Variants in CDH4 observed in about 807,000 individuals in gnomAD.
The protein encoded by CDH4 is cadherin 4, also known as cadherin-4.
A neutral mutation model predicts 86.0 loss-of-function variants in CDH4; 33 were observed. The observed-to-expected ratio is 0.38, with a 90% CI of 0.29 to 0.51. The LOEUF (loss-of-function observed/expected upper bound fraction) is 0.51. Among genes scored for constraint, CDH4 ranks in the 20% least tolerant of loss-of-function variants. CDH4 has a pLI of 0.86. For missense variants in CDH4, 1,114 were observed against 1,307.4 expected (o/e 0.85, Z 2.28); for synonymous variants, 555 against 549.4 (o/e 1.01, Z -0.14).
intron 2 of CDH4, among the ~76,000 whole-genome samples, chr20:61,299,499 T>A (rs932795628): frequency 2.6e-5 from 4 of 152,226 alleles, no homozygotes; most frequent in African/African-American, 9.6e-5. Flanking sequence ...AAAGCAAATA[T>A]GCTGGAAGAA....
intron 2 of CDH4, among the ~76,000 whole-genome samples, chr20:61,266,952 T>C (rs1368178676): frequency 6.6e-6 from 1 of 152,130 alleles, no homozygotes; most frequent in African/African-American, 2.4e-5. Flanking sequence ...CAAGGACAAC[T>C]GTCTTGACAA....
chr20:61,839,832 G>T (rs1260087521), intron 4 of CDH4, among the ~76,000 whole-genome samples: 1 of 151,562 alleles, frequency 6.6e-6, no homozygotes, highest in African/African-American at 2.4e-5. Flanking sequence ...GTGTGTCTGT[G>T]TGTAGGTATG....
rs190371727 is a variant in CDH4, at chr20:61,332,495, C to A, written c.169+77558C>A. ...CTTAGGTCTCCTTCTGGTTTCTGAT[C>A]TACGGTAGGGGGATTCTTGGTGCAT... On this transcript the variant is annotated intron_variant, in intron 2 of 15. Transcript: ENST00000614565. 3.1e-3 allele frequency among the ~76,000 whole-genome samples: 466 copies of A among 152,362 alleles called. 2 individuals are homozygous for A. The highest frequency in any genetic ancestry group is 0.01 in the African/African-American group (431 of 41,590).
At chr20:61,916,643 A>AT (rs2054906152) in intron 9 of CDH4, among the ~76,000 whole-genome samples, 1 of 152,186 alleles carries the variant, frequency 6.6e-6, no homozygotes, top group Non-Finnish European at 1.5e-5. Context: ...CTTTAATTCC[A>AT]TGAAGGGTCC....
chr20:61,280,073 G>A (rs2084250758), intron 2 of CDH4, among the ~76,000 whole-genome samples: 1 of 152,148 alleles, frequency 6.6e-6, no homozygotes, highest in Admixed American at 6.5e-5. Context: ...GGGCCTCCCA[G>A]GTGGGACTGG....
At chr20:61,846,696 C>A (rs1434179587) in intron 5 of CDH4, among the ~76,000 whole-genome samples, 1 of 152,224 alleles carries the variant, frequency 6.6e-6, no homozygotes, top group African/African-American at 2.4e-5. Context: ...CTTGCCACAT[C>A]TAGATGTGGG....
intron 2 of CDH4, among the ~76,000 whole-genome samples, chr20:61,276,013 A>G (rs968976627): frequency 5.9e-5 from 9 of 152,168 alleles, no homozygotes; most frequent in Admixed American, 5.2e-4. Flanking sequence ...TCCCATCAGT[A>G]TCACTGACAG....
At chr20:61,634,596 G>A (rs570415220) in intron 2 of CDH4, among the ~76,000 whole-genome samples, 33 of 152,368 alleles carry the variant, frequency 2.2e-4, no homozygotes, top group Admixed American at 1.7e-3. Context: ...GCAGCAATGT[G>A]TGTGTGGCAC....
At chr20:61,584,739 T>A (rs2086456818) in intron 2 of CDH4, among the ~76,000 whole-genome samples, 2 of 152,006 alleles carry the variant, frequency 1.3e-5, no homozygotes, top group African/African-American at 4.8e-5. Context: ...AGCTACAGGA[T>A]CAAGTTTAGG....
At chr20:61,477,016 T>C (rs1439958309) in intron 2 of CDH4, among the ~76,000 whole-genome samples, 1 of 152,200 alleles carries the variant, frequency 6.6e-6, no homozygotes, top group Non-Finnish European at 1.5e-5. Context: ...AGACAGGGGC[T>C]TCTGTCAGCT....
At chr20:61,550,947 T>C (rs2086125029) in intron 2 of CDH4, among the ~76,000 whole-genome samples, 1 of 151,888 alleles carries the variant, frequency 6.6e-6, no homozygotes, top group African/African-American at 2.4e-5. Context: ...ATGGGGAGAG[T>C]GGGAAGAGTG....
chr20:61,759,246 C>T (rs2088603459), intron 3 of CDH4, among the ~76,000 whole-genome samples: 1 of 152,202 alleles, frequency 6.6e-6, no homozygotes, highest in African/African-American at 2.4e-5. Flanking sequence ...AAGGCCATGG[C>T]TCTCATTTAA....
intron 2 of CDH4, among the ~76,000 whole-genome samples, chr20:61,724,330 C>T (rs1251660013): frequency 1.3e-5 from 2 of 152,188 alleles, no homozygotes; most frequent in Admixed American, 6.5e-5. Context: ...GCATAGCCAG[C>T]GCCTGTGTTG....
rs1202223113 is a variant in CDH4, at chr20:61,703,194, C to G, written c.170-40369C>G. ...GGCTCTTGGACGAGCTCAGAACACACAGGCCTTGGGTTGTTTGTCTTTTCC... is the reference window on the plus strand; with the variant it reads ...GGCTCTTGGACGAGCTCAGAACACAGAGGCCTTGGGTTGTTTGTCTTTTCC... On this transcript the variant is annotated intron_variant, in intron 2 of 15. Coordinates refer to ENST00000614565, the MANE Select transcript of CDH4 (RefSeq NM_001794.5). The surrounding 1 kb of genome is among the most constrained non-coding windows in gnomAD (Gnocchi z 4.3). Among the ~76,000 whole-genome samples the G allele has an allele frequency of 2.0e-5, 3 of 152,186 alleles. No homozygotes were observed. The East Asian group carries it at 5.8e-4, about 29-fold the overall frequency.
intron 2 of CDH4, among the ~76,000 whole-genome samples, chr20:61,716,553 A>G (rs1162791077): frequency 6.6e-6 from 1 of 152,180 alleles, no homozygotes; most frequent in Non-Finnish European, 1.5e-5. Context: ...GGGCTTGTCT[A>G]CAGAATAGTG....
rs781192006 is a variant in CDH4, at chr20:61,929,665, G to A, written c.2062G>A (p.Val688Ile). The A allele has an allele frequency of 3.0e-5, 48 of 1,613,936 alleles. No homozygotes were observed. The highest frequency in any genetic ancestry group is 1.3e-4 in the Admixed American group (8 of 60,008). ...ILYLEAGMYD[V>I]PIIVTDSGNP... is the part of the protein sequence containing the mutation. ...GTACCTGGAGGCCGGGATGTATGACGTCCCCATCATCGTCACAGACTCTGG... is the reference window on the plus strand; with the variant it reads ...GTACCTGGAGGCCGGGATGTATGACATCCCCATCATCGTCACAGACTCTGG... Residue 688 changes from valine (V) to isoleucine (I), a missense_variant, in exon 13 of 16, where the codon GTC (valine) becomes ATC (isoleucine). Around this residue, in one of 3 missense-constraint regions of CDH4, gnomAD observed 705 missense variants for 914.1 expected, o/e 0.77. Coordinates refer to ENST00000614565, the MANE Select transcript of CDH4 (RefSeq NM_001794.5).
At chr20:61,912,282 TCTC>T (rs751559279) in intron 9 of CDH4, among the ~76,000 whole-genome samples, 1 of 151,936 alleles carries the variant, frequency 6.6e-6, no homozygotes, top group African/African-American at 2.4e-5. Context: ...ATCCCAAACT[TCTC>T]CTAAGGAAGA....
chr20:61,265,238 T>C (rs1280063705), intron 2 of CDH4, among the ~76,000 whole-genome samples: 14 of 127,504 alleles, frequency 1.1e-4, no homozygotes, highest in South Asian at 5.3e-4. Context: ...TCATTCAATC[T>C]TACACATACC....
intron 2 of CDH4, among the ~76,000 whole-genome samples, chr20:61,565,275 TTGGTGATGGGGTGA>T (rs1431418258): frequency 3.5e-5 from 3 of 86,220 alleles, no homozygotes; most frequent in Admixed American, 1.1e-4. Context: ...GGTGGTCCTC[TTGGTGATGGGGTGA>T]TGGTGGTGGC....
Sources: allele counts gnomAD v4.1 joint callset (sites outside exome capture counted in the v4.1 genomes callset), GRCh38; gene constraint gnomAD v4.1.1; regional missense constraint gnomAD v4.1.1; non-coding constraint Gnocchi (gnomAD v3.1); transcripts MANE v1.5; gene names NCBI Gene and HGNC (gene_info 2026-07-23, HGNC 2026-07-21).